RBFOX3: variants seen among roughly 807,000 people sequenced by gnomAD.
RBFOX3 encodes the protein RNA binding fox-1 homolog 3, also known as RNA binding protein fox-1 homolog 3.
A neutral mutation model predicts 48.7 loss-of-function variants in RBFOX3; 17 were observed. That is an observed-to-expected ratio of 0.35 (90% confidence interval 0.24 to 0.52). The LOEUF is 0.52. Ranked by LOEUF, RBFOX3 falls within the 20% of genes least tolerant of loss-of-function variation. RBFOX3 has a pLI of 0.94. For missense variants in RBFOX3, 382 were observed against 497.5 expected (o/e 0.77, Z 2.21); for synonymous variants, 212 against 209.5 (o/e 1.01, Z -0.10).
intron 1 of RBFOX3, among the ~76,000 whole-genome samples, chr17:79,558,243 G>A (rs1274553937): frequency 6.6e-6 from 1 of 152,338 alleles, no homozygotes; most frequent in East Asian, 1.9e-4. Context: ...CTGGGTGGCC[G>A]CCTTTGCTCT....
At chr17:79,272,135 G>A (rs1292553866) in intron 3 of RBFOX3, among the ~76,000 whole-genome samples, 1 of 152,222 alleles carries the variant, frequency 6.6e-6, no homozygotes, top group African/African-American at 2.4e-5. Context: ...TTTGGGGTGT[G>A]TGGGGCTCCC....
At position 79,290,940 on chromosome 17, in the gene RBFOX3, GCAGCT is replaced by G. The variant is rs140791873; in HGVS notation, c.-74+16779_-74+16783del. The stretch of plus-strand genomic sequence containing the variant: ...CTGGGGCGAGGGGCAGCTGCAGCAG[GCAGCT>G]CAGCTCAGCTCAGCCTGCGTGGCTC... On this transcript the variant is annotated intron_variant, in intron 3 of 14. Transcript: ENST00000693108. Among the ~76,000 whole-genome samples the G allele has an allele frequency of 3.7e-3, 567 of 152,332 alleles. 4 individuals carry two copies. Among genetic ancestry groups the G allele is most frequent in the Middle Eastern group, 0.031 (9 of 294 alleles).
rs576922008 is a variant in RBFOX3, at chr17:79,537,992, G to A, written c.-319-55394C>T. The stretch of plus-strand genomic sequence containing the variant: ...ACTGGGTGCTGTGGTGGGGTTGGGG[G>A]CAGGGGTGCTGGTGAGGGCAACACC... On this transcript the variant is annotated intron_variant, in intron 1 of 14. Coordinates refer to ENST00000693108, the MANE Select transcript of RBFOX3 (RefSeq NM_001350451.2). Among the ~76,000 whole-genome samples, 146 of 152,286 alleles carry A rather than the reference G, an allele frequency of 9.6e-4. 2 individuals are homozygous for A. The highest frequency in any genetic ancestry group is 3.3e-3 in the African/African-American group (136 of 41,552).
chr17:79,536,976 T>C (rs1555788889), intron 1 of RBFOX3, among the ~76,000 whole-genome samples: 2 of 151,932 alleles, frequency 1.3e-5, no homozygotes, highest in Non-Finnish European at 2.9e-5. Context: ...TCCCAGCTAC[T>C]TGGGAGGCTG....
At chr17:79,370,673 C>T (rs1374785407) in intron 2 of RBFOX3, among the ~76,000 whole-genome samples, 2 of 152,160 alleles carry the variant, frequency 1.3e-5, no homozygotes, top group Non-Finnish European at 2.9e-5. Flanking sequence ...CAGGCACACA[C>T]ATGTACACAT....
At chr17:79,126,410 C>T (rs2037299706) in intron 4 of RBFOX3, among the ~76,000 whole-genome samples, 2 of 152,198 alleles carry the variant, frequency 1.3e-5, no homozygotes, top group Admixed American at 6.5e-5. Context: ...ACAGCCCTCC[C>T]GAGATCCTGG....
intron 2 of RBFOX3, among the ~76,000 whole-genome samples, chr17:79,308,719 C>T (rs1438755874): frequency 1.3e-5 from 2 of 152,118 alleles, no homozygotes; most frequent in Non-Finnish European, 2.9e-5. Context: ...CTGTCTCTCT[C>T]TCTCTCCTCT....
At chr17:79,183,997 G>A (rs938891679) in intron 4 of RBFOX3, among the ~76,000 whole-genome samples, 2 of 152,224 alleles carry the variant, frequency 1.3e-5, no homozygotes, top group African/African-American at 2.4e-5. Flanking sequence ...CTGCGGAGAG[G>A]AGGAGCCGCT....
chr17:79,137,364 C>T (rs2040463950), intron 4 of RBFOX3, among the ~76,000 whole-genome samples: 1 of 152,238 alleles, frequency 6.6e-6, no homozygotes, highest in Non-Finnish European at 1.5e-5. Context: ...CAGGAGCACC[C>T]TCCAACCCCC....
rs1407723332 is a variant in RBFOX3, at chr17:79,090,673, C to A, written c.*210G>T. The A allele has an allele frequency of 1.8e-5, 11 of 614,618 alleles. No individual in the cohort carries two copies. In the East Asian group the frequency reaches 2.6e-4, roughly 14 times the overall value. The allele number at this position is 614,618 out of a possible 1,614,324, so 38.1% of individuals were successfully genotyped here. On this transcript the variant is annotated 3_prime_UTR_variant, in exon 15 of 15. Coordinates refer to ENST00000693108, the MANE Select transcript of RBFOX3 (RefSeq NM_001350451.2). ...GCGGTGGGGCCGTCCTGTCCTGGGG[C>A]CGCTCCTCGGCGCCCCTGCCGGCGT...
At chr17:79,586,626 C>T (rs1224575706) in intron 1 of RBFOX3, among the ~76,000 whole-genome samples, 2 of 152,204 alleles carry the variant, frequency 1.3e-5, no homozygotes, top group Non-Finnish European at 2.9e-5. Flanking sequence ...TCTGGTAGGG[C>T]TTGTAATTGA....
the RBFOX3 span, among the ~76,000 whole-genome samples, chr17:79,618,932 A>C: frequency 0.03 from 4,580 of 152,232 alleles, 428 homozygotes; most frequent in East Asian, 0.26. Context: ...TGGAACTGGG[A>C]GATCACACTC....
Position 79,199,129 on chromosome 17 carries a change from A to G in RBFOX3, c.-34+36637T>C, listed in dbSNP as rs752943092. 9.9e-5 allele frequency among the ~76,000 whole-genome samples: 15 copies of G among 152,092 alleles called. No individual in the cohort carries two copies. The highest frequency in any genetic ancestry group is 2.1e-4 in the Non-Finnish European group (14 of 67,998). On this transcript the variant is annotated intron_variant, in intron 4 of 14. Transcript: ENST00000693108. This position sits in a 1 kb window ranked among gnomAD's most constrained non-coding sequence, Gnocchi z 5.1. ...AGTGGGGGCTGTCTCCATGGAGTGA[A>G]AGCTGCCCAGCAAAGGGTGCAGCTG...
At position 79,332,089 on chromosome 17, in the gene RBFOX3, C is replaced by T. The variant is rs920200674; in HGVS notation, c.-174-24265G>A. Among the ~76,000 whole-genome samples the T allele has an allele frequency of 3.9e-5, 6 of 152,228 alleles. No homozygotes were observed. In the South Asian group the frequency reaches 1.0e-3, roughly 26 times the overall value. On this transcript the variant is annotated intron_variant, in intron 2 of 14. Transcript: ENST00000693108. The stretch of plus-strand genomic sequence containing the variant: ...TCCCGGCAGGTCTGCTCTGGTCCCA[C>T]CTACAGGGTCATCCGAAAACCAGAG...
chr17:79,228,212 T>C (rs1210925121), intron 4 of RBFOX3, among the ~76,000 whole-genome samples: 4 of 152,170 alleles, frequency 2.6e-5, no homozygotes, highest in African/African-American at 9.6e-5. Flanking sequence ...GCGCTATCCG[T>C]GGGCTCTCCG....
At chr17:79,641,554 TAA>T in the RBFOX3 span, among the ~76,000 whole-genome samples, 1 of 152,182 alleles carries the variant, frequency 6.6e-6, no homozygotes, top group Non-Finnish European at 1.5e-5. Context: ...GGAAACAACT[TAA>T]GTGTCCATCA....
At chr17:79,131,852 A>G (rs1437059987) in intron 4 of RBFOX3, among the ~76,000 whole-genome samples, 2 of 152,136 alleles carry the variant, frequency 1.3e-5, no homozygotes, top group African/African-American at 4.8e-5. Context: ...CCAGCCCCAG[A>G]CCAGACTCAG....
intron 1 of RBFOX3, among the ~76,000 whole-genome samples, chr17:79,510,141 A>C (rs1292860693): frequency 6.6e-6 from 1 of 152,156 alleles, no homozygotes; most frequent in Non-Finnish European, 1.5e-5. Flanking sequence ...GCAGGTCAGC[A>C]GCCAAGTCTC....
intron 2 of RBFOX3, among the ~76,000 whole-genome samples, chr17:79,464,251 C>G (rs1555751987): frequency 6.6e-6 from 1 of 152,246 alleles, no homozygotes; most frequent in East Asian, 1.9e-4. Flanking sequence ...GGCCGATTTC[C>G]TCTCCTTCAA....
Sources: allele counts gnomAD v4.1 joint callset (sites outside exome capture counted in the v4.1 genomes callset), GRCh38; gene constraint gnomAD v4.1.1; non-coding constraint Gnocchi (gnomAD v3.1); transcripts MANE v1.5; gene names NCBI Gene and HGNC (gene_info 2026-07-23, HGNC 2026-07-21).